The following EYA1 variants were observed in gnomAD, a reference collection of about 807,000 sequenced individuals.
EYA1 encodes the protein protein phosphatase EYA1.
In EYA1, 16 loss-of-function variants were observed where a neutral mutation model predicts 82.0. The observed-to-expected ratio is 0.20, with a 90% CI of 0.13 to 0.30. The LOEUF (loss-of-function observed/expected upper bound fraction) is 0.30, where lower values mean the gene tolerates loss of function less well. Among genes scored for constraint, EYA1 ranks in the 10% least tolerant of loss-of-function variants. The probability of loss-of-function intolerance (pLI) is 1.00; values close to 1 mark genes in which losing one functional copy is unlikely to be tolerated. For missense variants in EYA1, 633 were observed against 730.7 expected, an observed-to-expected ratio of 0.87 and a Z score of 1.54; for synonymous variants, 261 against 264.4, an observed-to-expected ratio of 0.99 and a Z score of 0.12.
rs1386247610 is a variant in EYA1 at position 71,269,840 on chromosome 8, A to G, written c.967-17T>C. ...GAACACTCTCTACAAAGGAAGAACC[A>G]AATCAATGTGTCTTTGCCTTGGCTG... On this transcript the variant is annotated splice_polypyrimidine_tract_variant and intron_variant, in intron 10 of 17. Transcript: ENST00000340726. 1 of 1,600,910 alleles carries G rather than the reference A, an allele frequency of 6.2e-7. No homozygotes were observed. The highest frequency in any genetic ancestry group is 1.1e-5 in the South Asian group (1 of 90,830).
intron 17 of EYA1, among the ~76,000 whole-genome samples, chr8:71,200,938 A>G: frequency 6.7e-6 from 1 of 148,974 alleles, no homozygotes; most frequent in East Asian, 2.0e-4. Flanking sequence ...GTTATGAAAG[A>G]TTAACATTCA....
intron 2 of EYA1, among the ~76,000 whole-genome samples, chr8:71,425,104 C>CA (rs71264555): frequency 0.15 from 11,358 of 75,370 alleles, 833 homozygotes; most frequent in South Asian, 0.24. Context: ...ACTAAAAATA[C>CA]AAAAAAAAAA....
chr8:71,535,141 A>T (rs948785811), intron 2 of EYA1, among the ~76,000 whole-genome samples: 7 of 152,138 alleles, frequency 4.6e-5, no homozygotes, highest in African/African-American at 1.7e-4. Flanking sequence ...TTGTAAGATG[A>T]CCCCTAATTG....
intron 2 of EYA1, among the ~76,000 whole-genome samples, chr8:71,527,395 T>C (rs1232905227): frequency 6.6e-6 from 1 of 152,162 alleles, no homozygotes; most frequent in Non-Finnish European, 1.5e-5. Context: ...TGTGTTAAAA[T>C]TAGAAGAGAT....
At chr8:71,461,473 A>C (rs1410337244) in intron 2 of EYA1, among the ~76,000 whole-genome samples, 14 of 152,150 alleles carry the variant, frequency 9.2e-5, no homozygotes, top group Non-Finnish European at 1.5e-4. Context: ...GGTAGCACCC[A>C]GAAGCTTGGA....
At chr8:71,204,131 G>A (rs1231794082) in intron 17 of EYA1, 1 of 152,196 alleles carries the variant, frequency 6.6e-6, no homozygotes, top group African/African-American at 2.4e-5. Context: ...ATTGAGAGAA[G>A]TAGGTATCAA....
intron 2 of EYA1, among the ~76,000 whole-genome samples, chr8:71,385,350 C>A (rs999913058): frequency 1.3e-5 from 2 of 152,010 alleles, no homozygotes; most frequent in Non-Finnish European, 2.9e-5. Flanking sequence ...AGAACACCCT[C>A]TAACCCTAAA....
At chr8:71,438,779 CAG>C (rs1806189538) in intron 2 of EYA1, among the ~76,000 whole-genome samples, 1 of 152,142 alleles carries the variant, frequency 6.6e-6, no homozygotes, top group South Asian at 2.1e-4. Context: ...TCCAGGCAGA[CAG>C]AGAAGATCAG....
At chr8:71,528,795 C>T (rs900991034) in intron 2 of EYA1, among the ~76,000 whole-genome samples, 4 of 152,208 alleles carry the variant, frequency 2.6e-5, no homozygotes, top group African/African-American at 7.2e-5. Flanking sequence ...TTTTTAATCA[C>T]ACAATCATGC....
At chr8:71,283,978 CT>C (rs1304782133) in intron 9 of EYA1, among the ~76,000 whole-genome samples, 2 of 152,234 alleles carry the variant, frequency 1.3e-5, no homozygotes, top group African/African-American at 4.8e-5. Context: ...ATATCAGGAT[CT>C]GAACCCAGGC....
intron 2 of EYA1, among the ~76,000 whole-genome samples, chr8:71,423,265 T>C (rs910403590): frequency 5.3e-5 from 8 of 152,164 alleles, no homozygotes; most frequent in East Asian, 3.9e-4. Flanking sequence ...ATCTCAAAGA[T>C]TGAATGGAAA....
chr8:71,322,173 A>G (rs986378039), intron 5 of EYA1, 26 bp downstream of exon 5: 3 of 1,579,660 alleles, frequency 1.9e-6, no homozygotes, highest in Non-Finnish European at 2.6e-6. Flanking sequence ...GAAGTTATTT[A>G]TTGATTAAGA....
intron 17 of EYA1, among the ~76,000 whole-genome samples, chr8:71,207,039 A>G (rs1324545037): frequency 6.6e-6 from 1 of 152,334 alleles, no homozygotes; most frequent in African/African-American, 2.4e-5. Flanking sequence ...TACAAGTGTG[A>G]GCCTGCCTTG....
At chr8:71,515,741 A>C (rs1435667587) in intron 2 of EYA1, among the ~76,000 whole-genome samples, 1 of 152,148 alleles carries the variant, frequency 6.6e-6, no homozygotes, top group Non-Finnish European at 1.5e-5. Context: ...ACTTTTCAAC[A>C]ATAGTCCGTT....
At chr8:71,458,806 A>T (rs949198748) in intron 2 of EYA1, among the ~76,000 whole-genome samples, 1 of 152,176 alleles carries the variant, frequency 6.6e-6, no homozygotes, top group Non-Finnish European at 1.5e-5. Context: ...CTCTTATGAC[A>T]TCCAAATGGA....
chr8:71,281,326 C>T (rs192823805), intron 9 of EYA1, among the ~76,000 whole-genome samples: 1 of 152,300 alleles, frequency 6.6e-6, no homozygotes, highest in Admixed American at 6.5e-5. Context: ...CTGAAGCTCC[C>T]TCTGTCCCAC....
intron 2 of EYA1, among the ~76,000 whole-genome samples, chr8:71,391,028 C>A (rs1189557582): frequency 5.3e-5 from 8 of 152,088 alleles, no homozygotes; most frequent in Non-Finnish European, 7.4e-5. Flanking sequence ...GGCTGGAGTG[C>A]AGTGGTGCGA....
chr8:71,455,879 T>C (rs1807853495), intron 2 of EYA1, among the ~76,000 whole-genome samples: 1 of 152,112 alleles, frequency 6.6e-6, no homozygotes, highest in Non-Finnish European at 1.5e-5. Flanking sequence ...CCACTCCTAT[T>C]CAACATAGTG....
At chr8:71,416,729 C>T (rs1830872880) in intron 2 of EYA1, among the ~76,000 whole-genome samples, 1 of 152,200 alleles carries the variant, frequency 6.6e-6, no homozygotes, top group Non-Finnish European at 1.5e-5. Context: ...TATAGACTCT[C>T]AGGGCCACCC....
Sources: allele counts gnomAD v4.1 joint callset (sites outside exome capture counted in the v4.1 genomes callset), GRCh38; gene constraint gnomAD v4.1.1; transcripts MANE v1.5; gene names NCBI Gene and HGNC (gene_info 2026-07-23, HGNC 2026-07-21).